The following MREG variants were observed in gnomAD, a reference collection of about 807,000 sequenced individuals.
MREG encodes dilute suppressor protein homolog.
Under a neutral mutation model 28.5 loss-of-function variants are expected in MREG, and 31 were observed. The ratio of observed to expected loss-of-function variants is 1.09; its 90% CI spans 0.82 to 1.47. The LOEUF is 1.47. Ranked by LOEUF, MREG falls within the 40% of genes most tolerant of loss-of-function variation. The pLI is 0.00. For missense variants in MREG, 256 were observed against 257.4 expected (o/e 0.99, Z 0.04); for synonymous variants, 106 against 95.2 (o/e 1.11, Z -0.66).
At chr2:215,996,125 G>T (rs188391027) in intron 2 of MREG, among the ~76,000 whole-genome samples, 181 bp downstream of exon 2, 1 of 152,306 alleles carries the variant, frequency 6.6e-6, no homozygotes, top group Non-Finnish European at 1.5e-5. Flanking sequence ...TATCAAGCAG[G>T]TCAATCAAGA....
chr2:215,956,045 A>G (rs926534473), intron 2 of MREG, among the ~76,000 whole-genome samples: 1 of 152,246 alleles, frequency 6.6e-6, no homozygotes, highest in Non-Finnish European at 1.5e-5. Flanking sequence ...TGGAATCATA[A>G]TGTCAAACGT....
chr2:215,964,771 T>C (rs1249480397), intron 2 of MREG, among the ~76,000 whole-genome samples: 1 of 152,156 alleles, frequency 6.6e-6, no homozygotes, highest in Non-Finnish European at 1.5e-5. Flanking sequence ...TCAGGATGTA[T>C]CAAAGCATAT....
At chr2:215,976,370 T>C (rs1397559166) in intron 2 of MREG, among the ~76,000 whole-genome samples, 3 of 152,230 alleles carry the variant, frequency 2.0e-5, no homozygotes, top group African/African-American at 7.2e-5. Flanking sequence ...ATTACATTAT[T>C]CTAGATTTGC....
At chr2:215,997,586 T>A (rs1169251094) in intron 1 of MREG, among the ~76,000 whole-genome samples, 1 of 152,076 alleles carries the variant, frequency 6.6e-6, no homozygotes, top group Non-Finnish European at 1.5e-5. Context: ...CTCACTAGAG[T>A]CTAGCATGGG....
At chr2:215,967,062 A>C (rs1206116385) in intron 2 of MREG, among the ~76,000 whole-genome samples, 1 of 152,198 alleles carries the variant, frequency 6.6e-6, no homozygotes, top group Non-Finnish European at 1.5e-5. Context: ...ACTTAAACTG[A>C]AGCAGTCCTG....
intron 2 of MREG, among the ~76,000 whole-genome samples, chr2:215,993,501 A>G (rs1038303999): frequency 3.3e-5 from 5 of 152,222 alleles, no homozygotes; most frequent in African/African-American, 1.2e-4. Context: ...CATTCAGGAC[A>G]TAGGCATGGG....
At chr2:215,967,593 G>T (rs898551175) in intron 2 of MREG, among the ~76,000 whole-genome samples, 5 of 152,214 alleles carry the variant, frequency 3.3e-5, no homozygotes, top group African/African-American at 1.2e-4. Context: ...GGCTGCTCAT[G>T]TGTCCTTTTT....
At chr2:216,021,411 C>T (rs964449677) in intron 1 of MREG, among the ~76,000 whole-genome samples, 17 of 152,090 alleles carry the variant, frequency 1.1e-4, no homozygotes, top group Admixed American at 7.2e-4. Flanking sequence ...TAAAAGGCTC[C>T]CAAGCCTTTT....
chr2:216,017,019 C>T (rs1177726621), upstream of MREG, among the ~76,000 whole-genome samples: 1 of 152,188 alleles, frequency 6.6e-6, no homozygotes, highest in Non-Finnish European at 1.5e-5. Flanking sequence ...CTATCCACAA[C>T]CTAATCCCCT....
intron 2 of MREG, among the ~76,000 whole-genome samples, chr2:215,990,291 A>C (rs1036421588): frequency 6.6e-6 from 1 of 152,226 alleles, no homozygotes; most frequent in Admixed American, 6.5e-5. Flanking sequence ...ATATCCAGCC[A>C]AAATAAGCTT....
At chr2:215,953,195 C>A (rs1334732582) in intron 2 of MREG, among the ~76,000 whole-genome samples, 1 of 152,222 alleles carries the variant, frequency 6.6e-6, no homozygotes, top group African/African-American at 2.4e-5. Context: ...TCTTTGCCAA[C>A]ATCTGTTATC....
chr2:216,015,482 C>T (rs1217885135), upstream of MREG, among the ~76,000 whole-genome samples: 1 of 152,048 alleles, frequency 6.6e-6, no homozygotes, highest in Non-Finnish European at 1.5e-5. Flanking sequence ...GAACACGGGA[C>T]GTTGCAGGAC....
At chr2:216,018,349 G>A (rs1694475201), upstream of MREG, among the ~76,000 whole-genome samples, 1 of 152,208 alleles carries the variant, frequency 6.6e-6, no homozygotes, top group Admixed American at 6.5e-5. Context: ...ATTTTGTTTT[G>A]TTCTTTGCAA....
intron 2 of MREG, among the ~76,000 whole-genome samples, chr2:215,966,157 G>T (rs1692932772): frequency 6.6e-6 from 1 of 152,080 alleles, no homozygotes; most frequent in Non-Finnish European, 1.5e-5. Context: ...AGGGAGAGGG[G>T]GTCCCAGGGA....
At chr2:215,984,217 C>T (rs1693504075) in intron 2 of MREG, among the ~76,000 whole-genome samples, 1 of 152,140 alleles carries the variant, frequency 6.6e-6, no homozygotes, top group African/African-American at 2.4e-5. Flanking sequence ...TATTCACTAT[C>T]AAGAGAACAG....
chr2:216,021,429 C>T (rs1694519069), intron 1 of MREG, among the ~76,000 whole-genome samples: 1 of 152,172 alleles, frequency 6.6e-6, no homozygotes, highest in Non-Finnish European at 1.5e-5. Context: ...TTTATAGGGA[C>T]TAGGATGAGA....
At chr2:215,959,548 C>G (rs987622625) in intron 2 of MREG, among the ~76,000 whole-genome samples, 12 of 152,226 alleles carry the variant, frequency 7.9e-5, no homozygotes, top group Non-Finnish European at 1.8e-4. Flanking sequence ...CCAATCTTCT[C>G]CCAACCTGCT....
chr2:216,002,019 G>A lies in MREG; in HGVS notation c.96-5554C>T, dbSNP rs185736294. ...GCGGGAAACAGACCATAAGTCAGAA[G>A]GTTCCCTTTCTCTCCCTCCCCCATA... is the stretch of plus-strand genomic sequence containing the variant. On this transcript the variant is annotated intron_variant, in intron 1 of 4. Coordinates refer to ENST00000263268, the MANE Select transcript of MREG (RefSeq NM_018000.3). Among the ~76,000 whole-genome samples the A allele has an allele frequency of 3.3e-5, 5 of 152,244 alleles. No homozygotes were observed. The East Asian group carries it at 7.7e-4, about 24-fold the overall frequency.
rs1197483781 is a variant in MREG at position 215,942,784 on chromosome 2, G to A, written c.*2079C>T. 1 of 152,592 alleles carries A rather than the reference G, an allele frequency of 6.6e-6. No individual in the cohort carries two copies. The highest frequency in any genetic ancestry group is 1.5e-5 in the Non-Finnish European group (1 of 68,032). The allele number at this position is 152,592 out of a possible 1,614,324, so 9.5% of individuals were successfully genotyped here. On this transcript the variant is annotated 3_prime_UTR_variant, in exon 5 of 5. Transcript: ENST00000263268. The stretch of plus-strand genomic sequence containing the variant: ...CAAAATACAAATTCTGAGACCGAGA[G>A]TAAAACAATACGACATCCTTAGGTT...
Sources: allele counts gnomAD v4.1 joint callset (sites outside exome capture counted in the v4.1 genomes callset), GRCh38; gene constraint gnomAD v4.1.1; transcripts MANE v1.5; gene names NCBI Gene and HGNC (gene_info 2026-07-23, HGNC 2026-07-21).